Variants in DCHS2 observed in about 807,000 individuals in gnomAD.
DCHS2 encodes dachsous cadherin-related 2.
Under a neutral mutation model 182.4 loss-of-function variants are expected in DCHS2, and 142 were observed. The ratio of observed to expected loss-of-function variants is 0.78; its 90% CI spans 0.68 to 0.89. The LOEUF (loss-of-function observed/expected upper bound fraction) is 0.89. DCHS2 is among the 40% of genes least tolerant of loss of function. The probability of loss-of-function intolerance (pLI) is 0.00; values close to 1 mark genes in which losing one functional copy is unlikely to be tolerated. For missense variants in DCHS2, 4,319 were observed against 4,198.6 expected (o/e 1.03, Z -0.79); for synonymous variants, 1,740 against 1,663.3 (o/e 1.05, Z -1.12).
chr4:154,273,271 C>T (rs769794419), intron 13 of DCHS2, among the ~76,000 whole-genome samples: 87 of 152,038 alleles, frequency 5.7e-4, no homozygotes, highest in Admixed American at 1.0e-3. Context: ...GAATACCTCT[C>T]AGCCATAAAG....
chr4:154,460,040 T>A (rs1010776280), intron 1 of DCHS2, among the ~76,000 whole-genome samples: 2 of 152,170 alleles, frequency 1.3e-5, no homozygotes, highest in African/African-American at 4.8e-5. Flanking sequence ...ATACCAAGGT[T>A]GTACACAGAT....
chr4:154,444,639 C>T (rs781550384), intron 1 of DCHS2, among the ~76,000 whole-genome samples: 1 of 152,176 alleles, frequency 6.6e-6, no homozygotes, highest in Non-Finnish European at 1.5e-5. Flanking sequence ...CCCCCAGCAC[C>T]ACCCTCACAA....
At position 154,298,094 on chromosome 4, in the gene DCHS2, C is replaced by A; in HGVS notation, c.6220G>T (p.Val2074Phe). 3 of 1,614,108 alleles carry A rather than the reference C, an allele frequency of 1.9e-6. No individual in the cohort carries two copies. The highest frequency in any genetic ancestry group is 1.3e-5 in the African/African-American group (1 of 75,042). ...DLDLGPNGTVVFSFAETQSMF... is the reference protein window; with the variant it reads ...DLDLGPNGTVFFSFAETQSMF... ...GACTGGGTCTCTGCAAAACTAAAAA[C>A]CACAGTTCCATTGGGCCCCAAGTCC... The change falls in exon 13 of 20, where the codon GTT (valine) becomes TTT (phenylalanine). Residue 2074 changes from valine (V) to phenylalanine (F), a missense_variant. By Grantham distance (50) the Val-to-Phe change is conservative. Transcript: ENST00000357232.
At chr4:154,313,297 T>C (rs952198828) in intron 10 of DCHS2, among the ~76,000 whole-genome samples, 2 of 152,130 alleles carry the variant, frequency 1.3e-5, no homozygotes, top group African/African-American at 4.8e-5. Flanking sequence ...AGTTAAAATC[T>C]GGTAGTTGTT....
chr4:154,419,129 T>C (rs1732992145), intron 1 of DCHS2, among the ~76,000 whole-genome samples: 1 of 152,240 alleles, frequency 6.6e-6, no homozygotes, highest in Non-Finnish European at 1.5e-5. Context: ...GTGACGCATT[T>C]TGCAAAATGG....
chr4:154,388,454 T>C (rs1440232144), intron 1 of DCHS2, among the ~76,000 whole-genome samples: 1 of 151,750 alleles, frequency 6.6e-6, no homozygotes, highest in Admixed American at 6.6e-5. Flanking sequence ...TTTTTTTTTA[T>C]TCCATTCATT....
At chr4:154,413,830 T>C (rs1338695450) in intron 1 of DCHS2, among the ~76,000 whole-genome samples, 1 of 152,188 alleles carries the variant, frequency 6.6e-6, no homozygotes, top group African/African-American at 2.4e-5. Flanking sequence ...AAGCACTGCA[T>C]TACTTTATAG....
chr4:154,409,292 C>A (rs1441557947), intron 1 of DCHS2, among the ~76,000 whole-genome samples: 1 of 152,112 alleles, frequency 6.6e-6, no homozygotes, highest in Non-Finnish European at 1.5e-5. Context: ...CCATACTTGA[C>A]CCCACAGAAT....
intron 1 of DCHS2, among the ~76,000 whole-genome samples, chr4:154,421,910 T>A (rs1733128623): frequency 6.6e-6 from 1 of 152,202 alleles, no homozygotes; most frequent in African/African-American, 2.4e-5. Flanking sequence ...ATTGAAGTAA[T>A]TATTGCTAAA....
chr4:154,270,417 C>T (rs2111204968), intron 13 of DCHS2, among the ~76,000 whole-genome samples: 1 of 151,806 alleles, frequency 6.6e-6, no homozygotes, highest in African/African-American at 2.4e-5. Context: ...ATAGAAACAG[C>T]TGGAAGAAGA....
Position 154,302,933 on chromosome 4 carries a change from G to GTGTATA in DCHS2, c.5605+1735_5605+1736insTATACA, listed in dbSNP as rs1561026083. 5.6e-5 allele frequency among the ~76,000 whole-genome samples: 6 copies of GTGTATA among 106,404 alleles called. No homozygotes were observed. In the East Asian group the frequency reaches 7.3e-4, roughly 13 times the overall value. The allele number at this position is 106,404 out of a possible 152,430, so 69.8% of individuals were successfully genotyped here. On this transcript the variant is annotated intron_variant, in intron 12 of 19. Transcript: ENST00000357232. ...ACACATATATATGAAATAGATATAC[G>GTGTATA]TATACACACACACACACACACACAC...
intron 1 of DCHS2, among the ~76,000 whole-genome samples, chr4:154,460,969 A>G (rs190513482): frequency 6.6e-6 from 1 of 152,158 alleles, no homozygotes; most frequent in Admixed American, 6.6e-5. Context: ...ATTGTTCCCA[A>G]AATGGGCTTC....
Position 154,490,726 on chromosome 4 carries a change from G to T in DCHS2, c.630C>A (p.Ser210=). Residue 210 remains serine (S), a synonymous_variant, in exon 1 of 20, where the codon TCC becomes TCA. Coordinates refer to ENST00000357232, the MANE Select transcript of DCHS2 (RefSeq NM_001358235.2). Reference sequence around the variant, plus strand: ...GGCCTGCGGGGTCCTTGGGCAGGTCGGACGGTTGCACCAGGGTGTAGCCCT... The same window carrying T: ...GGCCTGCGGGGTCCTTGGGCAGGTCTGACGGTTGCACCAGGGTGTAGCCCT... ...STQGYTLVQP[S]DLPKDPAGPF... 1 of 1,551,620 alleles carries T rather than the reference G, an allele frequency of 6.4e-7. No individual in the cohort carries two copies. The highest frequency in any genetic ancestry group is 1.2e-5 in the South Asian group (1 of 84,066).
At chr4:154,343,481 C>A (rs768867465) in intron 3 of DCHS2, 2 of 1,450,236 alleles carry the variant, frequency 1.4e-6, no homozygotes, top group South Asian at 3.3e-5. Flanking sequence ...CACCAAGAAT[C>A]TTAGCTAGAT....
At chr4:154,277,450 T>A (rs763663576) in intron 13 of DCHS2, among the ~76,000 whole-genome samples, 1 of 152,030 alleles carries the variant, frequency 6.6e-6, no homozygotes, top group Non-Finnish European at 1.5e-5. Context: ...AGAAAGAAAC[T>A]GGCAAACCTC....
intron 1 of DCHS2, among the ~76,000 whole-genome samples, chr4:154,382,155 G>T (rs535525846): frequency 8.7e-4 from 133 of 152,152 alleles, no homozygotes; most frequent in Non-Finnish European, 1.6e-3. Context: ...TCTGATCTTT[G>T]ACAAAGTTGA....
At chr4:154,391,123 A>C in intron 1 of DCHS2, 1 of 1,553,258 alleles carries the variant, frequency 6.4e-7, no homozygotes, top group Non-Finnish European at 8.8e-7. Flanking sequence ...GAAGGAACAG[A>C]CTTATAAAAG....
Position 154,491,466 on chromosome 4 carries a change from T to C in DCHS2, c.-111A>G. On this transcript the variant is annotated 5_prime_UTR_variant, in exon 1 of 20. Transcript: ENST00000357232. Reference sequence around the variant, plus strand: ...CTGAGCCAGAGAAGAAAAGACTTTGTTTGGCAAACAAACCGACGGCCCAGG... The same window carrying C: ...CTGAGCCAGAGAAGAAAAGACTTTGCTTGGCAAACAAACCGACGGCCCAGG... 1 of 1,410,100 alleles carries C rather than the reference T, an allele frequency of 7.1e-7. No homozygotes were observed. The allele number at this position is 1,410,100 out of a possible 1,614,324, so 87.3% of individuals were successfully genotyped here. A position where few individuals can be genotyped will look rare whatever the true frequency, so the allele number is the denominator to read the frequency against.
intron 1 of DCHS2, among the ~76,000 whole-genome samples, chr4:154,379,170 GGA>G (rs1491461773): frequency 6.6e-6 from 1 of 151,974 alleles, no homozygotes; most frequent in Non-Finnish European, 1.5e-5. Context: ...CAGATAAAAT[GGA>G]AAAAAAAGGA....
Sources: gnomAD v4.1 joint callset for allele counts (sites outside exome capture counted in the v4.1 genomes callset) on GRCh38, gnomAD v4.1.1 for gene constraint, MANE v1.5 for transcripts, NCBI Gene and HGNC (gene_info 2026-07-23, HGNC 2026-07-21) for gene names.